The following CCNB3 variants were observed in gnomAD, a reference collection of about 807,000 sequenced individuals.
The protein encoded by CCNB3 is G2/mitotic-specific cyclin-B3.
Under a neutral mutation model 68.0 loss-of-function variants are expected in CCNB3, and 12 were observed. The ratio of observed to expected loss-of-function variants is 0.18; its 90% CI spans 0.11 to 0.29. CCNB3 has a LOEUF of 0.29. Among genes scored for constraint, CCNB3 ranks in the 10% least tolerant of loss-of-function variants. CCNB3 has a pLI of 1.00. For synonymous variants in CCNB3, 354 were observed against 388.9 expected, an observed-to-expected ratio of 0.91 and a Z score of 1.06; for missense variants, 904 against 993.1, an observed-to-expected ratio of 0.91 and a Z score of 1.21.
intron 1 of CCNB3, among the ~76,000 whole-genome samples, chrX:50,215,941 CTTTTTTTTTTTTTT>C (rs1195858030): frequency 3.8e-5 from 2 of 52,487 alleles, no homozygotes; most frequent in Non-Finnish European, 6.6e-5. Flanking sequence ...GGGTGTGCTT[CTTTTTTTTTTTTTT>C]TTTTTTTTTT....
intron 1 of CCNB3, among the ~76,000 whole-genome samples, chrX:50,283,535 G>A (rs931502320): frequency 1.8e-5 from 2 of 111,574 alleles, no homozygotes; most frequent in African/African-American, 6.5e-5. Context: ...CATCCAAAGC[G>A]AAACCCAAAT....
chrX:50,311,111 C>T lies in CCNB3; in HGVS notation c.2942C>T (p.Ala981Val), dbSNP rs1557214851. Reference protein sequence around the residue: ...VGTSPNVSSTAPESITSKSSI... With the variant: ...VGTSPNVSSTVPESITSKSSI... ...ACCAGCCCAAATGTGTCTAGCACTG[C>T]CCCTGAATCCATAACCAGCAAGTCC... Residue 981 changes from alanine (A) to valine (V), a missense_variant, in exon 6 of 13, where the codon GCC becomes GTC. Transcript: ENST00000376042. 1 of 1,209,719 alleles carries T rather than the reference C, an allele frequency of 8.3e-7. No individual in the cohort carries two copies. Among genetic ancestry groups the T allele is most frequent in the Non-Finnish European group, 1.1e-6 (1 of 895,138 alleles).
Position 50,309,418 on chromosome X carries a change from C to A in CCNB3, c.1249C>A (p.Pro417Thr). 1 of 1,211,112 alleles carries A rather than the reference C, an allele frequency of 8.3e-7. No homozygotes were observed. Among genetic ancestry groups the A allele is most frequent in the Non-Finnish European group, 1.1e-6 (1 of 895,266 alleles). The change falls in exon 6 of 13, where the codon CCA (proline) becomes ACA (threonine). Residue 417 changes from proline (P) to threonine (T), a missense_variant. By Grantham distance (38) the Pro-to-Thr change is conservative. This residue lies in a region of CCNB3 where 619 missense variants were observed against 609.8 expected (regional missense o/e 1.02). Transcript: ENST00000376042. ...TGGAGAGAAGTCGCTCATTATGAAG[C>A]CATTGTCCATTAAAGAAAAGCCATC... ...TSGEKSLIMK[P>T]LSIKEKPSTE...
intron 8 of CCNB3, among the ~76,000 whole-genome samples, chrX:50,320,087 GTTTT>G (rs1473983663): frequency 2.7e-5 from 3 of 110,811 alleles, no homozygotes. Context: ...TTCTGATTGG[GTTTT>G]TTGTTTGTTT....
chrX:50,327,192 T>G (rs782028437), intron 8 of CCNB3, among the ~76,000 whole-genome samples: 1 of 112,131 alleles, frequency 8.9e-6, no homozygotes, highest in South Asian at 3.7e-4. Flanking sequence ...AGACCCTTGT[T>G]TGGAGCCTGA....
chrX:50,295,072 T>C (rs925769011), intron 5 of CCNB3, 79 bp downstream of exon 5: 162 of 1,026,665 alleles, frequency 1.6e-4, no homozygotes, highest in Non-Finnish European at 2.1e-4. Flanking sequence ...TGAGAACATA[T>C]TTAGCAAGCC....
Position 50,313,960 on chromosome X carries a change from A to G in CCNB3, c.3516+12A>G, listed in dbSNP as rs1921594682. Reference sequence around the variant, plus strand: ...TGGTGGAGGTGCAGGTAAGCCTGACAACTCCTGCCTTAAGGAGCTGCTGTT... The same window carrying G: ...TGGTGGAGGTGCAGGTAAGCCTGACGACTCCTGCCTTAAGGAGCTGCTGTT... On this transcript the variant is annotated intron_variant, in intron 8 of 12. Transcript: ENST00000376042. The G allele has an allele frequency of 8.6e-7, 1 of 1,161,617 alleles. No homozygotes were observed. Among genetic ancestry groups the G allele is most frequent in the Non-Finnish European group, 1.2e-6 (1 of 850,997 alleles).
At chrX:50,328,508 C>G (rs1472011480) in intron 8 of CCNB3, among the ~76,000 whole-genome samples, 1 of 111,414 alleles carries the variant, frequency 9.0e-6, no homozygotes, top group African/African-American at 3.3e-5. Context: ...AGGACAGCAC[C>G]AAGCCATGAG....
intron 1 of CCNB3, among the ~76,000 whole-genome samples, chrX:50,223,435 G>A (rs978575433): frequency 2.1e-4 from 23 of 111,470 alleles, no homozygotes; most frequent in African/African-American, 6.8e-4. Flanking sequence ...GGTGACCTTC[G>A]GATGGGGTTT....
At position 50,351,741 on chromosome X, in the gene CCNB3, A is replaced by G. The variant is rs991761655; in HGVS notation, c.*38A>G. 2.0e-6 allele frequency: 2 copies of G among 1,012,514 alleles called. No homozygotes were observed. Among genetic ancestry groups the G allele is most frequent in the African/African-American group, 3.8e-5 (2 of 52,739 alleles). The allele number at this position is 1,012,514 out of a possible 1,213,427, so 83.4% of individuals were successfully genotyped here. On this transcript the variant is annotated 3_prime_UTR_variant, in exon 13 of 13. Coordinates refer to ENST00000376042, the MANE Select transcript of CCNB3 (RefSeq NM_033031.3). ...GGCTAAGCATGCATGTTAACAGGGT[A>G]TATTTATTCTATGTTCGAATTTGTC...
chrX:50,286,260 C>T (rs966015467), intron 3 of CCNB3, among the ~76,000 whole-genome samples: 1 of 112,333 alleles, frequency 8.9e-6, no homozygotes, highest in African/African-American at 3.2e-5. Flanking sequence ...TTACTTATGT[C>T]TTGGCTTAAT....
At chrX:50,286,026 A>G (rs1011476878) in intron 3 of CCNB3, among the ~76,000 whole-genome samples, 1 of 111,727 alleles carries the variant, frequency 9.0e-6, no homozygotes, top group African/African-American at 3.2e-5. Flanking sequence ...AGTGGCAATT[A>G]TTTTTCCAAA....
chrX:50,227,083 T>TATATAAATATATAGAATATAC (rs1935865942), intron 1 of CCNB3, among the ~76,000 whole-genome samples: 1 of 79,943 alleles, frequency 1.3e-5, no homozygotes, highest in African/African-American at 5.1e-5. Flanking sequence ...ATAAAGAATA[T>TATATAAATATATAGAATATAC]ATATAAATAT....
At chrX:50,350,446 A>G (rs1322906102) in intron 11 of CCNB3, among the ~76,000 whole-genome samples, 1 of 111,901 alleles carries the variant, frequency 8.9e-6, no homozygotes, top group Non-Finnish European at 1.9e-5. Context: ...ACACTGCTAT[A>G]CCGCTTCTGC....
intron 8 of CCNB3, among the ~76,000 whole-genome samples, chrX:50,337,259 G>A (rs1171457057): frequency 5.4e-5 from 6 of 110,418 alleles, no homozygotes; most frequent in Non-Finnish European, 9.5e-5. Context: ...GGAATGGGGA[G>A]CCCTTCCTCT....
intron 8 of CCNB3, among the ~76,000 whole-genome samples, chrX:50,323,313 G>A (rs1249545218): frequency 9.2e-6 from 1 of 108,704 alleles, no homozygotes; most frequent in African/African-American, 3.3e-5. Flanking sequence ...GCAAACTATC[G>A]CAAGGACAAA....
chrX:50,331,006 A>G (rs12006922), intron 8 of CCNB3, among the ~76,000 whole-genome samples: 12,755 of 111,302 alleles, frequency 0.11, 1,791 homozygotes, highest in African/African-American at 0.4. Context: ...ATTTGGTTGA[A>G]CATGTAAATG....
At chrX:50,304,359 A>G (rs138077551) in intron 5 of CCNB3, among the ~76,000 whole-genome samples, 1 of 111,963 alleles carries the variant, frequency 8.9e-6, no homozygotes, top group East Asian at 2.8e-4. Flanking sequence ...GCTTGTCACA[A>G]CTATCTGATC....
intron 5 of CCNB3, among the ~76,000 whole-genome samples, chrX:50,295,922 G>A (rs782400004): frequency 1.8e-5 from 2 of 110,967 alleles, no homozygotes; most frequent in African/African-American, 6.6e-5. Flanking sequence ...TAAAAAGACT[G>A]GGTAACTCTA....
Sources: gnomAD v4.1 joint callset for allele counts (sites outside exome capture counted in the v4.1 genomes callset) on GRCh38, gnomAD v4.1.1 for gene constraint, gnomAD v4.1.1 regional missense constraint, MANE v1.5 for transcripts, NCBI Gene and HGNC (gene_info 2026-07-23, HGNC 2026-07-21) for gene names.